The following TIMM8A variants were observed in gnomAD, a reference collection of about 807,000 sequenced individuals.
TIMM8A encodes translocase of inner mitochondrial membrane 8A.
TIMM8A carries 2 observed loss-of-function variants against 6.8 expected under a neutral mutation model. The observed-to-expected ratio is 0.30, with a 90% CI of 0.12 to 0.93. The LOEUF (loss-of-function observed/expected upper bound fraction) is 0.93, where lower values mean the gene tolerates loss of function less well. TIMM8A is among the 40% of genes least tolerant of loss of function. The pLI is 0.55. For missense variants in TIMM8A, 34 were observed against 75.2 expected (o/e 0.45, Z 2.02); for synonymous variants, 26 against 28.5 (o/e 0.91, Z 0.28).
chrX:101,348,492 A>G, intron 1 of TIMM8A, 41 bp downstream of exon 1: 1 of 1,130,916 alleles, frequency 8.8e-7, no homozygotes, highest in Non-Finnish European at 1.2e-6. Flanking sequence ...GACAGAGGGA[A>G]AGTAGGTACA....
rs782220427 is a variant in TIMM8A at position 101,348,041 on chromosome X, G to A, written c.132+492C>T. 41 of 907,448 alleles carry A rather than the reference G, an allele frequency of 4.5e-5. No homozygotes were observed. In the East Asian group the frequency reaches 1.9e-3, roughly 42 times the overall value. The allele number at this position is 907,448 out of a possible 1,213,427, so 74.8% of individuals were successfully genotyped here. ...AACAAGAAAGCAAATAAGTATGTAC[G>A]TTGGAAGAGATTACACCACTTTTAT... is the stretch of plus-strand genomic sequence containing the variant. On this transcript the variant is annotated intron_variant, in intron 1 of 1. Transcript: ENST00000372902.
At chrX:101,347,926 C>T in intron 1 of TIMM8A, 1 of 540,666 alleles carries the variant, frequency 1.8e-6, no homozygotes, top group African/African-American at 2.5e-5. Context: ...GCTGCAAATA[C>T]CTTCCACCCT....
In TIMM8A at chrX:101,345,797, A is replaced by G; in HGVS notation, c.*702T>C. 2 of 749,868 alleles carry G rather than the reference A, an allele frequency of 2.7e-6. No homozygotes were observed. The highest frequency in any genetic ancestry group is 3.1e-6 in the Non-Finnish European group (2 of 639,178). 61.8% of individuals were successfully genotyped at this position (749,868 alleles called of 1,213,427 possible). A position where few individuals can be genotyped will look rare whatever the true frequency, so the allele number is the denominator to read the frequency against. ...TGGCCTAAATCTTTATAACTTATTT[A>G]GGCACATCACTGAATTTTTTGTACC... On this transcript the variant is annotated 3_prime_UTR_variant, in exon 2 of 2. Coordinates refer to ENST00000372902, the MANE Select transcript of TIMM8A (RefSeq NM_004085.4).
Position 101,348,222 on chromosome X carries a change from G to A in TIMM8A, c.132+311C>T, listed in dbSNP as rs782286876. The A allele has an allele frequency of 3.6e-6, 4 of 1,110,847 alleles. No individual in the cohort carries two copies. The South Asian group carries it at 6.7e-5, about 19-fold the overall frequency. 91.5% of individuals were successfully genotyped at this position (1,110,847 alleles called of 1,213,427 possible). On this transcript the variant is annotated intron_variant, in intron 1 of 1. Coordinates refer to ENST00000372902, the MANE Select transcript of TIMM8A (RefSeq NM_004085.4). ...ATAAAATCCCAGTACTGGGGGCTCC[G>A]ATCAGTCTTGGTGACCAGCACTAGG...
Position 101,345,874 on chromosome X carries a change from A to G in TIMM8A, c.*625T>C. On this transcript the variant is annotated 3_prime_UTR_variant, in exon 2 of 2. Coordinates refer to ENST00000372902, the MANE Select transcript of TIMM8A (RefSeq NM_004085.4). The stretch of plus-strand genomic sequence containing the variant: ...TCCTTGTGGCAGTCTAGTAATAAGA[A>G]TTATGTTCACTGGCTAGATTCCTTT... 2 of 753,521 alleles carry G rather than the reference A, an allele frequency of 2.7e-6. No individual in the cohort carries two copies. Among genetic ancestry groups the G allele is most frequent in the Non-Finnish European group, 3.1e-6 (2 of 638,757 alleles). 62.1% of individuals were successfully genotyped at this position (753,521 alleles called of 1,213,427 possible). A position where few individuals can be genotyped will look rare whatever the true frequency, so the allele number is the denominator to read the frequency against.
In TIMM8A at chrX:101,348,042, T is replaced by C. The variant is rs1317495157; in HGVS notation, c.132+491A>G. ...ACAAGAAAGCAAATAAGTATGTACG[T>C]TGGAAGAGATTACACCACTTTTATA... is the stretch of plus-strand genomic sequence containing the variant. On this transcript the variant is annotated intron_variant, in intron 1 of 1. Transcript: ENST00000372902. 5.5e-6 allele frequency: 5 copies of C among 910,054 alleles called. No homozygotes were observed. The African/African-American group carries it at 6.1e-5, about 11-fold the overall frequency. 75.0% of individuals were successfully genotyped at this position (910,054 alleles called of 1,213,427 possible).
intron 1 of TIMM8A, chrX:101,347,883 C>G (rs781898241): frequency 4.8e-5 from 11 of 227,840 alleles, no homozygotes; most frequent in Non-Finnish European, 6.5e-5. Context: ...TAAGGGAGAT[C>G]TGTCCTTGGC....
At chrX:101,346,753 A>C (rs1432906526) in intron 1 of TIMM8A, 93 bp from the exon 2 acceptor site, 3 of 943,598 alleles carry the variant, frequency 3.2e-6, no homozygotes, top group African/African-American at 4.0e-5. Flanking sequence ...AGAGAAAAAA[A>C]AACTTTACCT....
rs1348092492 is a variant in TIMM8A at position 101,346,170 on chromosome X, C to T, written c.*329G>A. 34 of 863,706 alleles carry T rather than the reference C, an allele frequency of 3.9e-5. No individual in the cohort carries two copies. Among genetic ancestry groups the T allele is most frequent in the Non-Finnish European group, 4.4e-5 (31 of 709,774 alleles). The allele number at this position is 863,706 out of a possible 1,213,427, so 71.2% of individuals were successfully genotyped here. On this transcript the variant is annotated 3_prime_UTR_variant, in exon 2 of 2. Transcript: ENST00000372902. ...ACTCCACACAAATGAGAGATTTTTA[C>T]GTATGTGGTCCCACTATCAAAATTA... is the stretch of plus-strand genomic sequence containing the variant.
In TIMM8A at chrX:101,346,242, AGTAATAT is replaced by A. The variant is rs1926066405; in HGVS notation, c.*250_*256del. 9.8e-7 allele frequency: 1 copy of A among 1,019,969 alleles called. No homozygotes were observed. Among genetic ancestry groups the A allele is most frequent in the Non-Finnish European group, 1.2e-6 (1 of 801,532 alleles). The allele number at this position is 1,019,969 out of a possible 1,213,427, so 84.1% of individuals were successfully genotyped here. A position where few individuals can be genotyped will look rare whatever the true frequency, so the allele number is the denominator to read the frequency against. On this transcript the variant is annotated 3_prime_UTR_variant, in exon 2 of 2. Transcript: ENST00000372902. ...TTGAGAAAAGCATAGTCCCATGTAC[AGTAATAT>A]GCATCTAAATAGAGTTTTCTTTCGC...
intron 1 of TIMM8A, chrX:101,348,134 C>G (rs1215934617): frequency 9.4e-7 from 1 of 1,066,980 alleles, no homozygotes; most frequent in Non-Finnish European, 1.2e-6. Context: ...AGGTAAATCC[C>G]GAGGAGTCCA....
At chrX:101,348,072 C>T (rs782603744) in intron 1 of TIMM8A, 4 of 989,143 alleles carry the variant, frequency 4.0e-6, no homozygotes, top group Non-Finnish European at 5.1e-6. Context: ...TTTATAGTTA[C>T]TGGGCTGGAG....
rs1178863987 is a variant in TIMM8A, at chrX:101,346,242, A to C, written c.*257T>G. On this transcript the variant is annotated 3_prime_UTR_variant, in exon 2 of 2. Coordinates refer to ENST00000372902, the MANE Select transcript of TIMM8A (RefSeq NM_004085.4). ...TTGAGAAAAGCATAGTCCCATGTAC[A>C]GTAATATGCATCTAAATAGAGTTTT... is the stretch of plus-strand genomic sequence containing the variant. The C allele has an allele frequency of 3.9e-6, 4 of 1,019,969 alleles. No individual in the cohort carries two copies. The South Asian group carries it at 1.0e-4, about 26-fold the overall frequency. 84.1% of individuals were successfully genotyped at this position (1,019,969 alleles called of 1,213,427 possible). A position where few individuals can be genotyped will look rare whatever the true frequency, so the allele number is the denominator to read the frequency against.
chrX:101,346,984 A>C, intron 1 of TIMM8A: 1 of 219,502 alleles, frequency 4.6e-6, no homozygotes, highest in Non-Finnish European at 8.2e-6. Context: ...GAGCAAGAAA[A>C]TGGCAAAATA....
intron 1 of TIMM8A, 140 bp downstream of exon 1, chrX:101,348,393 C>T (rs1295063168): frequency 8.4e-7 from 1 of 1,185,226 alleles, no homozygotes; most frequent in East Asian, 3.1e-5. Flanking sequence ...CCGGCTAGGC[C>T]ACAGGAACCT....
Position 101,348,685 on chromosome X carries a change from A to AGAGAC in TIMM8A, c.-26_-22dup. ...TCCATCCCAGGGCGACCAAGCTTGCAGAGACGAACTCCGCACCGACCTTCA... is the reference window on the plus strand; with the variant it reads ...TCCATCCCAGGGCGACCAAGCTTGCAGAGACGAGACGAACTCCGCACCGACCTTCA... On this transcript the variant is annotated 5_prime_UTR_variant, in exon 1 of 2. Transcript: ENST00000372902. 1 of 1,210,176 alleles carries AGAGAC rather than the reference A, an allele frequency of 8.3e-7. No homozygotes were observed. Among genetic ancestry groups the AGAGAC allele is most frequent in the Non-Finnish European group, 1.1e-6 (1 of 894,991 alleles).
At chrX:101,346,695 C>G in intron 1 of TIMM8A, 35 bp from the exon 2 acceptor site, 1 of 1,204,530 alleles carries the variant, frequency 8.3e-7, no homozygotes. Flanking sequence ...ACAAAGGGAA[C>G]TTGGAAAGAA....
chrX:101,346,851 TTAC>T (rs1216572611), intron 1 of TIMM8A, 191 bp from the exon 2 acceptor site: 1 of 428,934 alleles, frequency 2.3e-6, no homozygotes, highest in African/African-American at 2.5e-5. Flanking sequence ...CATTAAATTC[TTAC>T]AACAATACTA....
At chrX:101,347,003 G>A (rs959784993) in intron 1 of TIMM8A, 5 of 186,924 alleles carry the variant, frequency 2.7e-5, no homozygotes, top group African/African-American at 1.2e-4. Flanking sequence ...TATAAGTGAA[G>A]TAACCTTTCA....
Sources: gnomAD v4.1 joint callset for allele counts on GRCh38, gnomAD v4.1.1 for gene constraint, MANE v1.5 for transcripts, NCBI Gene and HGNC (gene_info 2026-07-23, HGNC 2026-07-21) for gene names.